Variants in STK4 observed in about 807,000 individuals in gnomAD.
The protein encoded by STK4 is serine/threonine kinase 4.
In STK4, 30 loss-of-function variants were observed where a neutral mutation model predicts 64.9. That is an observed-to-expected ratio of 0.46 (90% confidence interval 0.35 to 0.63). The LOEUF (loss-of-function observed/expected upper bound fraction) is 0.63. Ranked by LOEUF, STK4 falls within the 20% of genes least tolerant of loss-of-function variation. The pLI, the probability that STK4 is intolerant of heterozygous loss-of-function variation, is 0.01. For missense variants in STK4, 466 were observed against 598.5 expected (o/e 0.78, Z 2.31); for synonymous variants, 177 against 199.0 (o/e 0.89, Z 0.93).
At chr20:45,023,236 A>T (rs1025782235) in intron 9 of STK4, among the ~76,000 whole-genome samples, 2 of 152,202 alleles carry the variant, frequency 1.3e-5, no homozygotes, top group South Asian at 4.1e-4. Flanking sequence ...TAGTGAGGAG[A>T]AAACAGTGTA....
At chr20:45,006,921 A>G (rs369643131) in intron 9 of STK4, among the ~76,000 whole-genome samples, 2 of 152,118 alleles carry the variant, frequency 1.3e-5, no homozygotes, top group African/African-American at 4.8e-5. Flanking sequence ...CATCTGCCTT[A>G]AAGCTAAAGT....
Position 44,997,142 on chromosome 20 carries a change from TTTTG to T in STK4, c.694-12_694-9del, listed in dbSNP as rs755804396. On this transcript the variant is annotated intron_variant, in intron 6 of 10. Coordinates refer to ENST00000372806, the MANE Select transcript of STK4 (RefSeq NM_006282.5). ...GCATTACTTTTATTTTACCAGATCT[TTTTG>T]TTTGTTTGTTTGTTCTAACCAGGCA... is the stretch of plus-strand genomic sequence containing the variant. The T allele has an allele frequency of 1.4e-5, 22 of 1,611,130 alleles. No individual in the cohort carries two copies. Among genetic ancestry groups the T allele is most frequent in the South Asian group, 6.6e-5 (6 of 90,800 alleles).
intron 9 of STK4, among the ~76,000 whole-genome samples, chr20:45,001,886 G>A (rs556620297): frequency 6.6e-6 from 1 of 152,122 alleles, no homozygotes; most frequent in South Asian, 2.1e-4. Flanking sequence ...TTTTGCCTGT[G>A]ACTAGGCCTA....
chr20:45,032,500 A>C (rs1235274207), intron 10 of STK4, among the ~76,000 whole-genome samples: 1 of 152,106 alleles, frequency 6.6e-6, no homozygotes. Context: ...TTGAGCTCCT[A>C]CTTACAAGTG....
chr20:44,978,062 C>A (rs2067370097), intron 2 of STK4, among the ~76,000 whole-genome samples: 1 of 152,188 alleles, frequency 6.6e-6, no homozygotes, highest in African/African-American at 2.4e-5. Context: ...TTGGGCAAAT[C>A]ATAAACCCCT....
intron 10 of STK4, among the ~76,000 whole-genome samples, chr20:45,069,652 C>T (rs553267250): frequency 6.6e-6 from 1 of 152,324 alleles, no homozygotes; most frequent in East Asian, 1.9e-4. Flanking sequence ...TCTTATTCTA[C>T]ACTGACTCTT....
intron 9 of STK4, among the ~76,000 whole-genome samples, chr20:45,013,212 A>T (rs1258233873): frequency 6.6e-6 from 1 of 151,824 alleles, no homozygotes; most frequent in Non-Finnish European, 1.5e-5. Context: ...TTTACCATGG[A>T]GTCTGATTTT....
chr20:45,026,128 G>GGTTTTTTTTTTTTTTT (rs1490924969), intron 10 of STK4, among the ~76,000 whole-genome samples: 3 of 128,978 alleles, frequency 2.3e-5, no homozygotes, highest in African/African-American at 6.0e-5. Flanking sequence ...TTATCCAGTG[G>GGTTTTTTTTTTTTTTT]TTTTTTTTTT....
At chr20:45,047,102 A>C (rs914897426) in intron 10 of STK4, among the ~76,000 whole-genome samples, 1 of 152,230 alleles carries the variant, frequency 6.6e-6, no homozygotes, top group African/African-American at 2.4e-5. Flanking sequence ...CTTAAGACTA[A>C]CTACATTTTG....
At chr20:44,984,281 G>A (rs541639749) in intron 4 of STK4, among the ~76,000 whole-genome samples, 1 of 125,744 alleles carries the variant, frequency 8.0e-6, no homozygotes, top group Non-Finnish European at 1.6e-5. Flanking sequence ...TGCAAGCTCC[G>A]CCTCCCAGGT....
At chr20:45,037,508 A>C (rs1351388934) in intron 10 of STK4, among the ~76,000 whole-genome samples, 2 of 152,168 alleles carry the variant, frequency 1.3e-5, no homozygotes, top group African/African-American at 4.8e-5. Flanking sequence ...TCAGGATATA[A>C]AACCACCAAA....
At chr20:44,971,627 C>T (rs2067247088) in intron 1 of STK4, among the ~76,000 whole-genome samples, 1 of 147,536 alleles carries the variant, frequency 6.8e-6, no homozygotes, top group Admixed American at 6.7e-5. Flanking sequence ...TTGAAGGATA[C>T]ATCGAATGCT....
chr20:44,967,230 T>C (rs2067166188), intron 1 of STK4: 8 of 985,184 alleles, frequency 8.1e-6, no homozygotes, highest in African/African-American at 1.7e-5. Flanking sequence ...TTCCTAATGG[T>C]CTTCACATCC....
chr20:44,983,585 G>C (rs1348846245), intron 4 of STK4, among the ~76,000 whole-genome samples: 1 of 152,128 alleles, frequency 6.6e-6, no homozygotes, highest in African/African-American at 2.4e-5. Context: ...TTGCGCCACT[G>C]CACTGCAGCC....
At chr20:44,984,631 G>A (rs996045409) in intron 4 of STK4, among the ~76,000 whole-genome samples, 55 of 152,090 alleles carry the variant, frequency 3.6e-4, no homozygotes, top group African/African-American at 1.3e-3. Flanking sequence ...ACTGAGATAT[G>A]CTGTAAATAT....
Position 44,966,613 on chromosome 20 carries a change from C to A in STK4, c.35+10C>A. Reference sequence around the variant, plus strand: ...GGAACCCGCCGCGCCGGTGAGGGGCCACTGGCTAAGAGGACGGGCATGGGG... The same window carrying A: ...GGAACCCGCCGCGCCGGTGAGGGGCAACTGGCTAAGAGGACGGGCATGGGG... On this transcript the variant is annotated intron_variant, in intron 1 of 10. Transcript: ENST00000372806. 1 of 1,273,946 alleles carries A rather than the reference C, an allele frequency of 7.8e-7. No homozygotes were observed. Among genetic ancestry groups the A allele is most frequent in the Non-Finnish European group, 1.0e-6 (1 of 1,001,646 alleles). 78.9% of individuals were successfully genotyped at this position (1,273,946 alleles called of 1,614,324 possible).
chr20:44,997,083 T>C (rs956156069), intron 6 of STK4, 86 bp from the exon 7 acceptor site: 5 of 1,580,230 alleles, frequency 3.2e-6, no homozygotes, highest in Non-Finnish European at 4.3e-6. Context: ...TTTACCAAGC[T>C]TCAAATGTAA....
At chr20:44,978,322 G>A in intron 2 of STK4, 121 bp from the exon 3 acceptor site, 1 of 1,199,502 alleles carries the variant, frequency 8.3e-7, no homozygotes, top group Non-Finnish European at 1.1e-6. Flanking sequence ...AGTTTTGCAA[G>A]TGTATATGTA....
At chr20:44,988,533 G>GTGTGTGTATATATATA (rs1221720136) in intron 5 of STK4, among the ~76,000 whole-genome samples, 1 of 101,576 alleles carries the variant, frequency 9.8e-6, no homozygotes, top group African/African-American at 4.8e-5. Context: ...ATGTGTGTGT[G>GTGTGTGTATATATATA]TATATATATA....
Sources: allele counts gnomAD v4.1 joint callset (sites outside exome capture counted in the v4.1 genomes callset), GRCh38; gene constraint gnomAD v4.1.1; transcripts MANE v1.5; gene names NCBI Gene and HGNC (gene_info 2026-07-23, HGNC 2026-07-21).